CTNNA2: variants seen among roughly 807,000 people sequenced by gnomAD.
CTNNA2 encodes catenin alpha-2.
A neutral mutation model predicts 101.0 loss-of-function variants in CTNNA2; 42 were observed. That is an observed-to-expected ratio of 0.42 (90% CI 0.32 to 0.54). The LOEUF (loss-of-function observed/expected upper bound fraction) is 0.54, where lower values mean the gene tolerates loss of function less well. Among genes scored for constraint, CTNNA2 ranks in the 20% least tolerant of loss-of-function variants. The pLI, the probability that CTNNA2 is intolerant of heterozygous loss-of-function variation, is 0.14. For synonymous variants in CTNNA2, 450 were observed against 456.4 expected, an observed-to-expected ratio of 0.99 and a Z score of 0.18; for missense variants, 871 against 1,223.1, an observed-to-expected ratio of 0.71 and a Z score of 4.29.
chr2:80,628,663 C>CT lies in CTNNA2; in HGVS notation c.2574+9443dup, dbSNP rs377333436. ...GTTGTTCCGCAAACAGTTTAAAAGG[C>CT]TTTTTTTTCTACAGTTTTTAGGGAA... On this transcript the variant is annotated intron_variant, in intron 18 of 18. Coordinates refer to ENST00000402739, the MANE Select transcript of CTNNA2 (RefSeq NM_001282597.3). Among the ~76,000 whole-genome samples the CT allele has an allele frequency of 3.7e-3, 568 of 151,734 alleles. 6 individuals carry two copies. Among genetic ancestry groups the CT allele is most frequent in the African/African-American group, 0.013 (519 of 41,364 alleles).
chr2:79,382,836 G>A (rs897097310), intron 4 of CTNNA2, among the ~76,000 whole-genome samples: 10 of 152,100 alleles, frequency 6.6e-5, no homozygotes, highest in East Asian at 5.8e-4. Context: ...GAATGGTCTC[G>A]ATTTCCTGAC....
intron 8 of CTNNA2, among the ~76,000 whole-genome samples, chr2:80,403,718 T>C (rs1678793341): frequency 6.6e-6 from 1 of 152,308 alleles, no homozygotes; most frequent in East Asian, 1.9e-4. Context: ...AAAATTCCCA[T>C]TTAGTATGAT....
intron 3 of CTNNA2, among the ~76,000 whole-genome samples, chr2:79,845,102 C>A (rs995727284): frequency 2.0e-5 from 3 of 149,642 alleles, no homozygotes; most frequent in Non-Finnish European, 3.0e-5. Context: ...TATATGCACC[C>A]TTACCTTTTA....
chr2:80,607,429 C>T (rs1277332909), intron 16 of CTNNA2, among the ~76,000 whole-genome samples: 3 of 151,828 alleles, frequency 2.0e-5, no homozygotes, highest in African/African-American at 7.3e-5. Context: ...TTCAGCCAAG[C>T]TCTGTGTGTG....
intron 7 of CTNNA2, among the ~76,000 whole-genome samples, chr2:80,015,532 G>A (rs1057474669): frequency 2.6e-4 from 39 of 152,288 alleles, no homozygotes; most frequent in African/African-American, 8.7e-4. Flanking sequence ...GGGTGAAGTA[G>A]AGGAGAAGAT....
chr2:80,080,854 TA>T (rs1465977246), intron 7 of CTNNA2, among the ~76,000 whole-genome samples: 4 of 149,788 alleles, frequency 2.7e-5, no homozygotes, highest in Non-Finnish European at 5.9e-5. Flanking sequence ...CAAGCTGTAT[TA>T]TAATTAAAAT....
chr2:80,402,390 C>T (rs1197047361), intron 8 of CTNNA2, among the ~76,000 whole-genome samples: 1 of 152,158 alleles, frequency 6.6e-6, no homozygotes, highest in Admixed American at 6.5e-5. Context: ...TCTCTCACCT[C>T]TCTGGAGGTT....
chr2:79,715,694 G>T (rs188674557), intron 2 of CTNNA2, among the ~76,000 whole-genome samples: 4,801 of 152,160 alleles, frequency 0.032, 235 homozygotes, highest in African/African-American at 0.11. Context: ...TAGAGGAAAT[G>T]CTTGGAGGGA....
chr2:79,523,708 A>G (rs1211054912), intron 1 of CTNNA2, among the ~76,000 whole-genome samples: 2 of 152,210 alleles, frequency 1.3e-5, no homozygotes, highest in East Asian at 1.9e-4. Flanking sequence ...TTCCACCAAC[A>G]ATATGAAAGT....
chr2:79,790,681 A>G (rs1434588884), intron 3 of CTNNA2, among the ~76,000 whole-genome samples: 1 of 152,208 alleles, frequency 6.6e-6, no homozygotes, highest in Non-Finnish European at 1.5e-5. Context: ...TAGAATTATC[A>G]GTTGGCTACC....
intron 9 of CTNNA2, among the ~76,000 whole-genome samples, chr2:80,544,244 G>GA: frequency 6.6e-6 from 1 of 151,688 alleles, no homozygotes; most frequent in African/African-American, 2.4e-5. Flanking sequence ...GAAGGGGCCA[G>GA]GAACCAAGGA....
At chr2:79,325,973 G>C (rs555245948) in intron 3 of CTNNA2, among the ~76,000 whole-genome samples, 1 of 152,268 alleles carries the variant, frequency 6.6e-6, no homozygotes, top group Admixed American at 6.5e-5. Context: ...CAATTCAAGA[G>C]GGTTTAGAGT....
At chr2:80,089,564 A>G (rs1699652734) in intron 7 of CTNNA2, among the ~76,000 whole-genome samples, 1 of 151,818 alleles carries the variant, frequency 6.6e-6, no homozygotes, top group African/African-American at 2.4e-5. Flanking sequence ...TTCTTTCACC[A>G]TAGTGAAATA....
At chr2:80,003,845 T>C (rs1693133862) in intron 7 of CTNNA2, among the ~76,000 whole-genome samples, 1 of 152,168 alleles carries the variant, frequency 6.6e-6, no homozygotes, top group Non-Finnish European at 1.5e-5. Context: ...ATATTGATTA[T>C]TTTTTAACTC....
At chr2:80,179,123 T>C (rs375572353) in intron 7 of CTNNA2, among the ~76,000 whole-genome samples, 1 of 152,218 alleles carries the variant, frequency 6.6e-6, no homozygotes, top group Non-Finnish European at 1.5e-5. Flanking sequence ...TTGCTTCTGG[T>C]GGGCCTTATG....
chr2:80,252,235 C>T (rs763297660), intron 7 of CTNNA2, among the ~76,000 whole-genome samples: 1 of 152,130 alleles, frequency 6.6e-6, no homozygotes, highest in African/African-American at 2.4e-5. Context: ...TGGAACAGAA[C>T]CTTGCACATA....
At chr2:80,300,342 G>A (rs1430965589) in intron 7 of CTNNA2, among the ~76,000 whole-genome samples, 1 of 146,640 alleles carries the variant, frequency 6.8e-6, no homozygotes, top group Non-Finnish European at 1.5e-5. Flanking sequence ...GTAAGAAGCT[G>A]TCTCCCAGGG....
chr2:79,334,253 G>A (rs1163831491), intron 3 of CTNNA2, among the ~76,000 whole-genome samples: 1 of 152,070 alleles, frequency 6.6e-6, no homozygotes, highest in Non-Finnish European at 1.5e-5. Flanking sequence ...TAAAGAAACA[G>A]GAGATTACAA....
intron 9 of CTNNA2, among the ~76,000 whole-genome samples, chr2:80,443,716 A>G (rs187524425): frequency 1.3e-5 from 2 of 152,356 alleles, no homozygotes; most frequent in African/African-American, 4.8e-5. Context: ...AAAGAAGTTA[A>G]TAATAGTGCC....
Sources: allele counts gnomAD v4.1 joint callset (sites outside exome capture counted in the v4.1 genomes callset), GRCh38; gene constraint gnomAD v4.1.1; transcripts MANE v1.5; gene names NCBI Gene and HGNC (gene_info 2026-07-23, HGNC 2026-07-21).